Variants in CACHD1 observed in about 807,000 individuals in gnomAD.
CACHD1 encodes cache domain containing 1.
Under a neutral mutation model 138.7 loss-of-function variants are expected in CACHD1, and 71 were observed. The observed-to-expected ratio is 0.51, with a 90% confidence interval of 0.42 to 0.62. The LOEUF is 0.62. Among genes scored for constraint, CACHD1 ranks in the 20% least tolerant of loss-of-function variants. The pLI is 0.00. For missense variants in CACHD1, 1,389 were observed against 1,625.3 expected, an observed-to-expected ratio of 0.85 and a Z score of 2.50; for synonymous variants, 578 against 591.5, an observed-to-expected ratio of 0.98 and a Z score of 0.33.
chr1:64,663,915 A>G, intron 14 of CACHD1, 78 bp downstream of exon 14: 1 of 1,577,812 alleles, frequency 6.3e-7, no homozygotes. Flanking sequence ...TGAACCTTTG[A>G]AGTAGGAAAC....
intron 26 of CACHD1, among the ~76,000 whole-genome samples, chr1:64,684,851 C>T (rs1203786036): frequency 1.3e-5 from 2 of 152,080 alleles, no homozygotes; most frequent in African/African-American, 4.8e-5. Flanking sequence ...CTCTTGTCGC[C>T]CAGGCTGGAG....
chr1:64,477,578 C>T (rs1388664509), intron 1 of CACHD1, among the ~76,000 whole-genome samples: 3 of 146,896 alleles, frequency 2.0e-5, no homozygotes, highest in Non-Finnish European at 4.5e-5. Context: ...CTTGCTCTTC[C>T]CCCCAGATTA....
intron 5 of CACHD1, among the ~76,000 whole-genome samples, chr1:64,632,178 T>A (rs1293155186): frequency 2.0e-5 from 3 of 149,910 alleles, no homozygotes; most frequent in Non-Finnish European, 4.4e-5. Flanking sequence ...ATATTTTATA[T>A]GAGGATTTTA....
chr1:64,566,936 T>C (rs1646887473), intron 2 of CACHD1, among the ~76,000 whole-genome samples: 1 of 152,110 alleles, frequency 6.6e-6, no homozygotes, highest in African/African-American at 2.4e-5. Context: ...TAGGGGTATG[T>C]ATATGTTTAT....
intron 1 of CACHD1, among the ~76,000 whole-genome samples, chr1:64,477,108 T>C (rs1646178389): frequency 6.6e-6 from 1 of 152,214 alleles, no homozygotes; most frequent in African/African-American, 2.4e-5. Flanking sequence ...TTGTATTTCA[T>C]GTAGCTAATG....
intron 7 of CACHD1, among the ~76,000 whole-genome samples, chr1:64,634,660 C>A (rs1248829089): frequency 3.9e-5 from 6 of 152,076 alleles, no homozygotes; most frequent in Non-Finnish European, 7.4e-5. Flanking sequence ...ACTGGAATTA[C>A]AAGCATGAGT....
intron 1 of CACHD1, among the ~76,000 whole-genome samples, chr1:64,495,177 C>T (rs1646299072): frequency 6.6e-6 from 1 of 152,050 alleles, no homozygotes; most frequent in Non-Finnish European, 1.5e-5. Flanking sequence ...AACCTCCCCT[C>T]CCCTGCTTAG....
At chr1:64,545,122 G>T (rs2100439928) in intron 1 of CACHD1, among the ~76,000 whole-genome samples, 1 of 152,218 alleles carries the variant, frequency 6.6e-6, no homozygotes, top group African/African-American at 2.4e-5. Context: ...TTTTAAGAAT[G>T]CATCAATAGT....
chr1:64,543,241 A>G (rs936250873), intron 1 of CACHD1, among the ~76,000 whole-genome samples: 9 of 151,552 alleles, frequency 5.9e-5, no homozygotes, highest in African/African-American at 1.7e-4. Flanking sequence ...TGTATCCAAA[A>G]TGAACAAATT....
intron 4 of CACHD1, among the ~76,000 whole-genome samples, chr1:64,616,540 T>C (rs1647714511): frequency 1.3e-5 from 2 of 152,146 alleles, no homozygotes; most frequent in African/African-American, 4.8e-5. Context: ...ATCTATAAAA[T>C]ATGCATGCAG....
chr1:64,663,576 A>G (rs1197793173), intron 13 of CACHD1, 119 bp from the exon 14 acceptor site: 18 of 1,186,326 alleles, frequency 1.5e-5, no homozygotes, highest in Non-Finnish European at 2.1e-5. Context: ...GAAAAAAAGG[A>G]AAAAAAAAGA....
In CACHD1 at chr1:64,692,426, T is replaced by G. The variant is rs1650592778; in HGVS notation, c.*865T>G. 6.6e-6 allele frequency: 1 copy of G among 152,222 alleles called. No individual in the cohort carries two copies. The highest frequency in any genetic ancestry group is 1.5e-5 in the Non-Finnish European group (1 of 68,040). The allele number at this position is 152,222 out of a possible 1,614,324, so 9.4% of individuals were successfully genotyped here. ...GGTTTTAAAAGAAATGTTATGTTTC[T>G]TATGACTTGTTTCCACTCCTCGTAC... On this transcript the variant is annotated 3_prime_UTR_variant, in exon 27 of 27. Transcript: ENST00000651257.
At chr1:64,569,249 A>C (rs927179841) in intron 2 of CACHD1, among the ~76,000 whole-genome samples, 18 of 152,334 alleles carry the variant, frequency 1.2e-4, no homozygotes, top group Admixed American at 3.3e-4. Flanking sequence ...TATTTGTAAA[A>C]ATAGAAATAC....
intron 13 of CACHD1, among the ~76,000 whole-genome samples, chr1:64,663,273 C>G (rs1442197643): frequency 6.6e-6 from 1 of 152,218 alleles, no homozygotes; most frequent in Non-Finnish European, 1.5e-5. Context: ...TAAGCCGCCG[C>G]CGGGCGCAGT....
chr1:64,501,051 A>C (rs1646337075), intron 1 of CACHD1, among the ~76,000 whole-genome samples: 1 of 151,798 alleles, frequency 6.6e-6, no homozygotes, highest in Non-Finnish European at 1.5e-5. Flanking sequence ...CTGTCTCAAA[A>C]AAAAAAAAAA....
intron 8 of CACHD1, among the ~76,000 whole-genome samples, chr1:64,643,918 G>T (rs78034474): frequency 6.6e-6 from 1 of 152,348 alleles, no homozygotes; most frequent in Non-Finnish European, 1.5e-5. Context: ...CAGAGGTGGA[G>T]CTCTGCCATC....
intron 13 of CACHD1, among the ~76,000 whole-genome samples, chr1:64,660,493 ATTACT>A (rs1267123434): frequency 1.3e-5 from 2 of 151,944 alleles, no homozygotes; most frequent in African/African-American, 2.4e-5. Context: ...TATTATAAAA[ATTACT>A]TTAATACTAC....
chr1:64,663,748 C>T lies in CACHD1; in HGVS notation c.2005C>T (p.Leu669Phe). The change falls in exon 14 of 27, where the codon CTC becomes TTC. Residue 669 changes from leucine to phenylalanine, a missense_variant. By Grantham distance (22) the Leu-to-Phe change is conservative. Transcript: ENST00000651257. ...CAGCTTTTCCTCCCCCTATGAGCAC[C>T]TCAGCCAGCCAGAGACAAAGCGCAT... ...AGSFSSPYEH[L>F]SQPETKRMVE... 6.2e-7 allele frequency: 1 copy of T among 1,614,038 alleles called. No individual in the cohort carries two copies. Among genetic ancestry groups the T allele is most frequent in the Non-Finnish European group, 8.5e-7 (1 of 1,179,998 alleles).
At chr1:64,571,279 T>C (rs1443770037) in intron 2 of CACHD1, among the ~76,000 whole-genome samples, 1 of 152,198 alleles carries the variant, frequency 6.6e-6, no homozygotes, top group African/African-American at 2.4e-5. Context: ...TTGTACAAAT[T>C]TGTTACTCTA....
Sources: gnomAD v4.1 joint callset for allele counts (sites outside exome capture counted in the v4.1 genomes callset) on GRCh38, gnomAD v4.1.1 for gene constraint, MANE v1.5 for transcripts, NCBI Gene and HGNC (gene_info 2026-07-23, HGNC 2026-07-21) for gene names.